CNTNAP5: variants seen among roughly 807,000 people sequenced by gnomAD.
The protein encoded by CNTNAP5 is contactin associated protein family member 5.
Under a neutral mutation model 150.2 loss-of-function variants are expected in CNTNAP5, and 72 were observed. The observed-to-expected ratio is 0.48, with a 90% CI of 0.40 to 0.58. CNTNAP5 has a LOEUF of 0.58. Among genes scored for constraint, CNTNAP5 ranks in the 20% least tolerant of loss-of-function variants. The probability of loss-of-function intolerance (pLI) is 0.00; values close to 1 mark genes in which losing one functional copy is unlikely to be tolerated. For missense variants in CNTNAP5, 1,636 were observed against 1,626.2 expected (o/e 1.01, Z -0.10); for synonymous variants, 672 against 619.8 (o/e 1.08, Z -1.25).
intron 1 of CNTNAP5, among the ~76,000 whole-genome samples, chr2:124,162,165 C>A (rs752575809): frequency 6.6e-6 from 1 of 151,970 alleles, no homozygotes; most frequent in Non-Finnish European, 1.5e-5. Context: ...TAATGTAGTG[C>A]GCTTTAAGTT....
chr2:124,539,795 C>G (rs1695336307), intron 10 of CNTNAP5, among the ~76,000 whole-genome samples: 2 of 152,282 alleles, frequency 1.3e-5, no homozygotes, highest in South Asian at 4.1e-4. Context: ...TGACATTTCT[C>G]TGAATAATTT....
intron 7 of CNTNAP5, among the ~76,000 whole-genome samples, chr2:124,480,188 A>G (rs1420306264): frequency 6.6e-6 from 1 of 152,206 alleles, no homozygotes; most frequent in Non-Finnish European, 1.5e-5. Context: ...TGCAGTAAAT[A>G]TATTACAAAC....
chr2:124,419,970 C>CTCTCTTTCTT (rs139642632), intron 4 of CNTNAP5, among the ~76,000 whole-genome samples: 3 of 62,524 alleles, frequency 4.8e-5, no homozygotes, highest in African/African-American at 2.0e-4. Flanking sequence ...TTCTCTCTCT[C>CTCTCTTTCTT]TCTTTCTTTC....
chr2:124,106,202 T>C (rs1683169066), intron 1 of CNTNAP5, among the ~76,000 whole-genome samples: 1 of 152,156 alleles, frequency 6.6e-6, no homozygotes, highest in South Asian at 2.1e-4. Flanking sequence ...ACTAACCACT[T>C]GTGATAAAAA....
chr2:124,592,662 A>G lies in CNTNAP5; in HGVS notation c.1757-17139A>G, dbSNP rs148381925. Among the ~76,000 whole-genome samples, 11 of 152,222 alleles carry G rather than the reference A, an allele frequency of 7.2e-5. No homozygotes were observed. The East Asian group carries it at 1.4e-3, about 19-fold the overall frequency. On this transcript the variant is annotated intron_variant, in intron 11 of 23. Coordinates refer to ENST00000682447, the MANE Select transcript of CNTNAP5 (RefSeq NM_001367498.1). ...CTGCTAGGGAAAAGGCCTTTCCCCT[A>G]TAATATAACTAATATTCTCATTTTC...
chr2:124,904,842 C>A (rs542610757), intron 22 of CNTNAP5, among the ~76,000 whole-genome samples: 2 of 151,176 alleles, frequency 1.3e-5, no homozygotes, highest in Non-Finnish European at 2.9e-5. Flanking sequence ...TTACATGACA[C>A]CAAAAGTATG....
At chr2:124,360,414 T>G (rs1690165789) in intron 3 of CNTNAP5, among the ~76,000 whole-genome samples, 1 of 148,232 alleles carries the variant, frequency 6.7e-6, no homozygotes, top group Admixed American at 6.9e-5. Context: ...TGATGGTCTT[T>G]ACATTTTGGC....
intron 3 of CNTNAP5, among the ~76,000 whole-genome samples, chr2:124,352,164 T>C (rs2104703258): frequency 1.3e-5 from 2 of 151,910 alleles, no homozygotes; most frequent in South Asian, 4.1e-4. Flanking sequence ...CTTGCCTCAT[T>C]TCATCAAATC....
chr2:124,876,561 C>T (rs925498184), intron 21 of CNTNAP5, among the ~76,000 whole-genome samples: 8 of 151,580 alleles, frequency 5.3e-5, no homozygotes, highest in Admixed American at 1.3e-4. Flanking sequence ...AAATATGTTG[C>T]GGTATGAAAA....
chr2:124,840,245 A>G (rs1682918345), intron 19 of CNTNAP5, among the ~76,000 whole-genome samples: 1 of 152,042 alleles, frequency 6.6e-6, no homozygotes, highest in Admixed American at 6.6e-5. Flanking sequence ...CTGTGAAGCA[A>G]CACTATCAGG....
At chr2:124,839,890 A>G (rs1352515589) in intron 19 of CNTNAP5, among the ~76,000 whole-genome samples, 1 of 152,110 alleles carries the variant, frequency 6.6e-6, no homozygotes, top group Non-Finnish European at 1.5e-5. Flanking sequence ...ACTCAATTAC[A>G]TTTTATTTTT....
At chr2:124,700,344 A>G (rs996029489) in intron 13 of CNTNAP5, among the ~76,000 whole-genome samples, 6 of 152,156 alleles carry the variant, frequency 3.9e-5, no homozygotes, top group African/African-American at 1.2e-4. Flanking sequence ...AGTTTTTGTA[A>G]ATATGTTTTT....
intron 1 of CNTNAP5, among the ~76,000 whole-genome samples, chr2:124,134,061 G>A (rs1265952072): frequency 1.3e-5 from 2 of 152,108 alleles, no homozygotes; most frequent in Admixed American, 1.3e-4. Context: ...TCAGTGTAAT[G>A]TGCTAACTCA....
At chr2:124,536,038 G>A (rs1695224798) in intron 10 of CNTNAP5, among the ~76,000 whole-genome samples, 1 of 152,088 alleles carries the variant, frequency 6.6e-6, no homozygotes, top group African/African-American at 2.4e-5. Flanking sequence ...CTCTAAAATT[G>A]AAAGCCTTTA....
At chr2:124,547,315 G>A (rs954870459) in intron 10 of CNTNAP5, among the ~76,000 whole-genome samples, 4 of 152,188 alleles carry the variant, frequency 2.6e-5, no homozygotes, top group Middle Eastern at 3.2e-3. Flanking sequence ...AGCCATCTAA[G>A]AACTGACTAT....
intron 1 of CNTNAP5, among the ~76,000 whole-genome samples, chr2:124,203,002 G>A (rs1685767068): frequency 6.6e-6 from 1 of 152,034 alleles, no homozygotes; most frequent in Non-Finnish European, 1.5e-5. Flanking sequence ...ACTAATTTCA[G>A]CATGATCTCA....
rs778228245 is a variant in CNTNAP5, at chr2:124,798,097, G to A, written c.2994G>A (p.Glu998=). ...SPYEGPFCKK[E]VSAVFEAGTS... is the part of the protein sequence containing the mutation. Reference sequence around the variant, plus strand: ...GCTCTCCCCTCTTATATTTTGCAGAGGTTTCTGCTGTTTTTGAGGCTGGCA... The same window carrying A: ...GCTCTCCCCTCTTATATTTTGCAGAAGTTTCTGCTGTTTTTGAGGCTGGCA... The change falls in exon 19 of 24, where the codon GAG becomes GAA. Residue 998 remains glutamate (E), a splice_region_variant and synonymous_variant. Transcript: ENST00000682447. 3 of 1,605,248 alleles carry A rather than the reference G, an allele frequency of 1.9e-6. No individual in the cohort carries two copies. The highest frequency in any genetic ancestry group is 2.6e-6 in the Non-Finnish European group (3 of 1,174,944).
chr2:124,498,471 T>G lies in CNTNAP5; in HGVS notation c.1063-5821T>G, dbSNP rs542540738. Among the ~76,000 whole-genome samples, 55 of 152,314 alleles carry G rather than the reference T, an allele frequency of 3.6e-4. 2 individuals carry two copies. The highest frequency in any genetic ancestry group is 1.3e-3 in the African/African-American group (53 of 41,562). On this transcript the variant is annotated intron_variant, in intron 7 of 23. Transcript: ENST00000682447. ...GTGTTTTAAAATATCAGGCTTCTTA[T>G]TTACTTTTTAAATAGAGATTGGGTC... is the stretch of plus-strand genomic sequence containing the variant.
intron 19 of CNTNAP5, 99 bp downstream of exon 19, chr2:124,798,419 C>G: frequency 2.4e-6 from 2 of 840,584 alleles, no homozygotes; most frequent in Non-Finnish European, 1.9e-6. Flanking sequence ...TCAAGTTGGT[C>G]CCATCTGGGA....
Sources: gnomAD v4.1 joint callset for allele counts (sites outside exome capture counted in the v4.1 genomes callset) on GRCh38, gnomAD v4.1.1 for gene constraint, MANE v1.5 for transcripts, NCBI Gene and HGNC (gene_info 2026-07-23, HGNC 2026-07-21) for gene names.